The following GALNT17 variants were observed in gnomAD, a reference collection of about 807,000 sequenced individuals.
The protein encoded by GALNT17 is UDP-GalNAc:polypeptide N-acetylgalactosaminyltransferase-like 3.
In GALNT17, 29 loss-of-function variants were observed where a neutral mutation model predicts 63.7. That is an observed-to-expected ratio of 0.46 (90% CI 0.34 to 0.62). GALNT17 has a LOEUF of 0.62. Ranked by LOEUF, GALNT17 falls within the 20% of genes least tolerant of loss-of-function variation. GALNT17 has a pLI of 0.01. For missense variants in GALNT17, 603 were observed against 799.6 expected, an observed-to-expected ratio of 0.75 and a Z score of 2.97; for synonymous variants, 305 against 318.3, an observed-to-expected ratio of 0.96 and a Z score of 0.45.
intron 5 of GALNT17, among the ~76,000 whole-genome samples, chr7:71,523,654 A>T (rs1464403585): frequency 6.6e-6 from 1 of 151,662 alleles, no homozygotes; most frequent in African/African-American, 2.4e-5. Context: ...AAGGAGGAGG[A>T]TCTCTTGAAC....
At chr7:71,442,054 C>T (rs1018371222) in intron 5 of GALNT17, among the ~76,000 whole-genome samples, 4 of 152,122 alleles carry the variant, frequency 2.6e-5, no homozygotes, top group African/African-American at 7.2e-5. Flanking sequence ...CTGGAGGAAT[C>T]GCCACACTGT....
In GALNT17 at chr7:71,363,605, A is replaced by G. The variant is rs564092428; in HGVS notation, c.423-24630A>G. Among the ~76,000 whole-genome samples the G allele has an allele frequency of 8.8e-4, 134 of 152,344 alleles. 2 individuals carry two copies. Among genetic ancestry groups the G allele is most frequent in the African/African-American group, 2.8e-3 (117 of 41,576 alleles). ...TTCTTCATTCTCCGACTTCAAAACC[A>G]GCCTTCTTTAGTATTCCCTTCCAGC... On this transcript the variant is annotated intron_variant, in intron 2 of 10. Transcript: ENST00000333538.
intron 1 of GALNT17, among the ~76,000 whole-genome samples, chr7:71,172,650 G>A (rs190000928): frequency 5.9e-5 from 9 of 152,188 alleles, no homozygotes; most frequent in Non-Finnish European, 1.2e-4. Flanking sequence ...CTGTGGAGTG[G>A]GAGCTACCAG....
At chr7:71,249,005 A>G (rs996840364) in intron 1 of GALNT17, among the ~76,000 whole-genome samples, 1 of 152,218 alleles carries the variant, frequency 6.6e-6, no homozygotes, top group Non-Finnish European at 1.5e-5. Context: ...CCTGGCATTT[A>G]GGAGAAATTC....
At chr7:71,690,656 T>C (rs1402066174) in intron 9 of GALNT17, among the ~76,000 whole-genome samples, 1 of 152,226 alleles carries the variant, frequency 6.6e-6, no homozygotes, top group Non-Finnish European at 1.5e-5. Flanking sequence ...CCAGTAAGCA[T>C]GTTTGTGATT....
intron 1 of GALNT17, among the ~76,000 whole-genome samples, chr7:71,158,230 G>C (rs1190434674): frequency 6.6e-6 from 1 of 151,278 alleles, no homozygotes; most frequent in Non-Finnish European, 1.5e-5. Flanking sequence ...TAGTGGCTGG[G>C]CTCATTTCTC....
chr7:71,529,925 T>C (rs1261550471), intron 5 of GALNT17, among the ~76,000 whole-genome samples: 4 of 152,252 alleles, frequency 2.6e-5, no homozygotes, highest in East Asian at 3.8e-4. Context: ...GGAAAGCTTT[T>C]AAAGTCTAAA....
intron 6 of GALNT17, among the ~76,000 whole-genome samples, chr7:71,584,916 A>G (rs1220364058): frequency 2.6e-5 from 4 of 152,102 alleles, no homozygotes; most frequent in Non-Finnish European, 4.4e-5. Flanking sequence ...CACCACGCCA[A>G]GCTAATTTTT....
chr7:71,712,009 C>T lies in GALNT17; in HGVS notation c.1669-9C>T, dbSNP rs1791802029. 2 of 1,613,732 alleles carry T rather than the reference C, an allele frequency of 1.2e-6. No homozygotes were observed. Among genetic ancestry groups the T allele is most frequent in the Non-Finnish European group, 1.7e-6 (2 of 1,179,816 alleles). Reference sequence around the variant, plus strand: ...CTTCTCCTCTCTTCTCGATTTTGCCCCCTCCCAGAATGGAGCCATCATGAA... The same window carrying T: ...CTTCTCCTCTCTTCTCGATTTTGCCTCCTCCCAGAATGGAGCCATCATGAA... On this transcript the variant is annotated splice_polypyrimidine_tract_variant and intron_variant, in intron 10 of 10. Transcript: ENST00000333538.
intron 1 of GALNT17, among the ~76,000 whole-genome samples, chr7:71,292,079 T>C (rs1187450491): frequency 6.6e-6 from 1 of 152,218 alleles, no homozygotes; most frequent in African/African-American, 2.4e-5. Flanking sequence ...TTCAAGCTAG[T>C]TTATAACTGT....
intron 1 of GALNT17, among the ~76,000 whole-genome samples, chr7:71,211,248 A>G (rs1789371747): frequency 6.6e-6 from 1 of 152,092 alleles, no homozygotes; most frequent in Non-Finnish European, 1.5e-5. Context: ...GGTTTTTCCC[A>G]TGCTGTTCTC....
Position 71,693,694 on chromosome 7 carries a change from T to A in GALNT17, c.1500+16388T>A, listed in dbSNP as rs564809153. Among the ~76,000 whole-genome samples, 10 of 151,766 alleles carry A rather than the reference T, an allele frequency of 6.6e-5. No individual in the cohort carries two copies. The East Asian group carries it at 1.8e-3, about 27-fold the overall frequency. On this transcript the variant is annotated intron_variant, in intron 9 of 10. Transcript: ENST00000333538. Reference sequence around the variant, plus strand: ...AGGAGGGAGGGGATCAGGAAAAATATTAAATAGCTAATGGGTACTAGGCTT... The same window carrying A: ...AGGAGGGAGGGGATCAGGAAAAATAATAAATAGCTAATGGGTACTAGGCTT...
chr7:71,298,285 G>A (rs1336794136), intron 1 of GALNT17, among the ~76,000 whole-genome samples: 1 of 152,130 alleles, frequency 6.6e-6, no homozygotes, highest in Non-Finnish European at 1.5e-5. Context: ...CTCCCAAAGT[G>A]CTGGGATTAC....
At chr7:71,186,869 G>A (rs574962573) in intron 1 of GALNT17, among the ~76,000 whole-genome samples, 38 of 152,250 alleles carry the variant, frequency 2.5e-4, no homozygotes, top group African/African-American at 9.1e-4. Flanking sequence ...GCCTGCTGTA[G>A]CCTGGCAACT....
intron 8 of GALNT17, among the ~76,000 whole-genome samples, chr7:71,671,925 G>T (rs754483058): frequency 3.0e-4 from 46 of 151,554 alleles, no homozygotes; most frequent in Non-Finnish European, 5.6e-4. Context: ...AGCTACTCGG[G>T]GCTGAGGCAG....
At chr7:71,250,684 G>C (rs376781861) in intron 1 of GALNT17, among the ~76,000 whole-genome samples, 3 of 152,186 alleles carry the variant, frequency 2.0e-5, no homozygotes, top group Non-Finnish European at 4.4e-5. Context: ...ATTTACCGTA[G>C]TGACAAAAAC....
At chr7:71,632,791 T>C (rs1790470715) in intron 6 of GALNT17, among the ~76,000 whole-genome samples, 3 of 152,126 alleles carry the variant, frequency 2.0e-5, no homozygotes, top group Non-Finnish European at 2.9e-5. Context: ...TTTTGATTTA[T>C]TAAACATTGC....
chr7:71,504,817 C>T (rs1195270589), intron 5 of GALNT17, among the ~76,000 whole-genome samples: 2 of 152,092 alleles, frequency 1.3e-5, no homozygotes, highest in Non-Finnish European at 2.9e-5. Context: ...CTCTGTGGCC[C>T]GTCACCTCTC....
At chr7:71,345,122 T>G (rs530184331) in intron 2 of GALNT17, among the ~76,000 whole-genome samples, 1 of 149,008 alleles carries the variant, frequency 6.7e-6, no homozygotes, top group Non-Finnish European at 1.5e-5. Flanking sequence ...AAGCCCCCAC[T>G]GTTTTTTTTT....
Sources: allele counts gnomAD v4.1 joint callset (sites outside exome capture counted in the v4.1 genomes callset), GRCh38; gene constraint gnomAD v4.1.1; transcripts MANE v1.5; gene names NCBI Gene and HGNC (gene_info 2026-07-23, HGNC 2026-07-21).